DCDC2C: variants seen among roughly 807,000 people sequenced by gnomAD.
The protein encoded by DCDC2C is doublecortin domain containing 2C.
In DCDC2C, 44 loss-of-function variants were observed where a neutral mutation model predicts 45.0. The observed-to-expected ratio is 0.98, with a 90% CI of 0.77 to 1.26. The LOEUF (loss-of-function observed/expected upper bound fraction) is 1.26. DCDC2C is among the 50% of genes most tolerant of loss of function. The pLI, the probability that DCDC2C is intolerant of heterozygous loss-of-function variation, is 0.00. For synonymous variants in DCDC2C, 187 were observed against 178.8 expected (o/e 1.05, Z -0.37); for missense variants, 447 against 468.9 (o/e 0.95, Z 0.43).
intron 10 of DCDC2C, among the ~76,000 whole-genome samples, chr2:3,842,430 G>T (rs1427488709): frequency 1.3e-5 from 2 of 152,004 alleles, no homozygotes; most frequent in African/African-American, 4.8e-5. Context: ...ACTTGACAGG[G>T]TGAGGAAGGG....
intron 2 of DCDC2C, among the ~76,000 whole-genome samples, chr2:3,710,695 C>T (rs931799807): frequency 6.6e-6 from 1 of 152,058 alleles, no homozygotes; most frequent in Non-Finnish European, 1.5e-5. Context: ...CCATGAGTAC[C>T]TACTGTTTAG....
chr2:3,746,600 G>A (rs74733946), intron 4 of DCDC2C, among the ~76,000 whole-genome samples: 7,411 of 152,290 alleles, frequency 0.049, 203 homozygotes, highest in East Asian at 0.092. Context: ...CCCACTGTCC[G>A]TTGAGTATAT....
At chr2:3,748,198 A>C (rs1669430733) in intron 4 of DCDC2C, among the ~76,000 whole-genome samples, 1 of 152,048 alleles carries the variant, frequency 6.6e-6, no homozygotes, top group African/African-American at 2.4e-5. Flanking sequence ...GAGTGTCACC[A>C]CCTGACTCCG....
intron 3 of DCDC2C, among the ~76,000 whole-genome samples, chr2:3,729,903 C>T (rs1334411740): frequency 1.3e-5 from 2 of 152,098 alleles, no homozygotes; most frequent in African/African-American, 4.8e-5. Context: ...TATCTCAGCG[C>T]AGGAGTTGGG....
intron 8 of DCDC2C, among the ~76,000 whole-genome samples, chr2:3,777,970 C>T (rs190544005): frequency 5.9e-4 from 90 of 152,132 alleles, no homozygotes; most frequent in African/African-American, 2.1e-3. Context: ...TGTGTGATTT[C>T]CCACACCGCA....
Position 3,788,202 on chromosome 2 carries a change from A to C in DCDC2C, c.1065+3102A>C, listed in dbSNP as rs115476009. ...TAGTGACAAATAGATTTAAGAGAAG[A>C]AAAGTAAACAGATTGAATAATTATC... On this transcript the variant is annotated intron_variant, in intron 10 of 10. Coordinates refer to ENST00000399143, the MANE Select transcript of DCDC2C (RefSeq NM_001287444.2). Among the ~76,000 whole-genome samples, 1,181 of 152,380 alleles carry C rather than the reference A, an allele frequency of 7.8e-3. 14 individuals are homozygous for C. Among genetic ancestry groups the C allele is most frequent in the African/African-American group, 0.027 (1,134 of 41,592 alleles).
intron 10 of DCDC2C, chr2:3,844,244 G>A: frequency 6.5e-6 from 1 of 152,856 alleles, no homozygotes; most frequent in Non-Finnish European, 1.5e-5. Flanking sequence ...GCCATGCCTG[G>A]GACAGCCACA....
intron 3 of DCDC2C, among the ~76,000 whole-genome samples, chr2:3,740,363 A>G (rs112678657): frequency 2.6e-5 from 4 of 152,282 alleles, no homozygotes; most frequent in African/African-American, 9.6e-5. Flanking sequence ...TTGATCCTTT[A>G]TATTACATTG....
intron 8 of DCDC2C, 104 bp from the exon 9 acceptor site, chr2:3,778,712 C>A: frequency 9.7e-7 from 1 of 1,030,148 alleles, no homozygotes; most frequent in Non-Finnish European, 1.5e-6. Context: ...CCAGCTCTAC[C>A]CATAGAAGTG....
chr2:3,831,369 C>T (rs1328996825), intron 10 of DCDC2C, among the ~76,000 whole-genome samples: 5 of 152,300 alleles, frequency 3.3e-5, no homozygotes, highest in East Asian at 1.9e-4. Flanking sequence ...GCCTACTGCA[C>T]ACCTCGGCTA....
intron 10 of DCDC2C, among the ~76,000 whole-genome samples, chr2:3,845,685 C>T (rs1438272603): frequency 1.3e-5 from 2 of 152,176 alleles, no homozygotes; most frequent in African/African-American, 4.8e-5. Flanking sequence ...TGGCTCCATT[C>T]TAAGTATATG....
intron 8 of DCDC2C, among the ~76,000 whole-genome samples, chr2:3,776,649 G>A (rs1286045796): frequency 6.6e-6 from 1 of 152,174 alleles, no homozygotes; most frequent in Non-Finnish European, 1.5e-5. Flanking sequence ...AAGGATGAGG[G>A]GTAGGGCATC....
At chr2:3,784,451 T>C (rs1330308514) in intron 9 of DCDC2C, among the ~76,000 whole-genome samples, 3 of 152,056 alleles carry the variant, frequency 2.0e-5, no homozygotes, top group African/African-American at 7.2e-5. Flanking sequence ...TAATATTTGT[T>C]ATATTAAGAT....
At chr2:3,760,606 C>T (rs766519882) in intron 6 of DCDC2C, among the ~76,000 whole-genome samples, 4 of 152,176 alleles carry the variant, frequency 2.6e-5, no homozygotes, top group Non-Finnish European at 5.9e-5. Context: ...CATGTTCTCA[C>T]TCATACATGG....
At position 3,791,385 on chromosome 2, in the gene DCDC2C, G is replaced by A. The variant is rs138083950; in HGVS notation, c.1065+6285G>A. Among the ~76,000 whole-genome samples, 572 of 152,240 alleles carry A rather than the reference G, an allele frequency of 3.8e-3. 6 individuals carry two copies. Among genetic ancestry groups the A allele is most frequent in the African/African-American group, 0.013 (522 of 41,548 alleles). On this transcript the variant is annotated intron_variant, in intron 10 of 10. Coordinates refer to ENST00000399143, the MANE Select transcript of DCDC2C (RefSeq NM_001287444.2). ...TTAGCGTTTTATAAGAGACAGTCACGGATGGACCAATCGCCTTTTCGTGTG... is the reference window on the plus strand; with the variant it reads ...TTAGCGTTTTATAAGAGACAGTCACAGATGGACCAATCGCCTTTTCGTGTG...
At chr2:3,798,238 T>G (rs1671015152) in intron 10 of DCDC2C, among the ~76,000 whole-genome samples, 1 of 152,142 alleles carries the variant, frequency 6.6e-6, no homozygotes, top group African/African-American at 2.4e-5. Context: ...TCTTCCTCCA[T>G]CCTTTTGTTT....
intron 10 of DCDC2C, among the ~76,000 whole-genome samples, chr2:3,836,584 G>C (rs868836492): frequency 6.6e-6 from 1 of 151,938 alleles, no homozygotes; most frequent in Non-Finnish European, 1.5e-5. Context: ...ACTGGTCGGC[G>C]GGGCGCGGTG....
intron 10 of DCDC2C, among the ~76,000 whole-genome samples, chr2:3,836,811 G>A (rs74171419): frequency 0.57 from 85,654 of 149,216 alleles, 24,528 homozygotes; most frequent in Middle Eastern, 0.66. Flanking sequence ...GCAGTGAGCC[G>A]AGATCGCGCC....
intron 10 of DCDC2C, among the ~76,000 whole-genome samples, chr2:3,832,009 C>T (rs192447968): frequency 3.1e-4 from 47 of 152,328 alleles, no homozygotes; most frequent in African/African-American, 1.1e-3. Context: ...TGTCTCCTGG[C>T]ATGGCGAGGG....
Sources: gnomAD v4.1 joint callset for allele counts (sites outside exome capture counted in the v4.1 genomes callset) on GRCh38, gnomAD v4.1.1 for gene constraint, MANE v1.5 for transcripts, NCBI Gene and HGNC (gene_info 2026-07-23, HGNC 2026-07-21) for gene names.